CBFA2T3: variants seen among roughly 807,000 people sequenced by gnomAD.
CBFA2T3 encodes transcriptional corepressor CBFA2T3.
Under a neutral mutation model 58.6 loss-of-function variants are expected in CBFA2T3, and 31 were observed. That is an observed-to-expected ratio of 0.53 (90% confidence interval 0.40 to 0.71). The LOEUF is 0.71. CBFA2T3 is among the 30% of genes least tolerant of loss of function. The pLI is 0.00. For synonymous variants in CBFA2T3, 531 were observed against 421.9 expected, an observed-to-expected ratio of 1.26 and a Z score of -3.17; for missense variants, 1,076 against 963.1, an observed-to-expected ratio of 1.12 and a Z score of -1.55.
At chr16:88,897,569 G>A (rs772179430) in intron 3 of CBFA2T3, among the ~76,000 whole-genome samples, 4 of 152,238 alleles carry the variant, frequency 2.6e-5, no homozygotes, top group Non-Finnish European at 5.9e-5. Context: ...CCCACCATCT[G>A]ACGGCTCCTG....
intron 1 of CBFA2T3, among the ~76,000 whole-genome samples, chr16:88,924,338 C>G (rs1172582053): frequency 6.6e-6 from 1 of 152,218 alleles, no homozygotes; most frequent in South Asian, 2.1e-4. Flanking sequence ...GCACAAGCTC[C>G]GCCCTGGCCC....
intron 1 of CBFA2T3, chr16:88,938,718 C>T (rs1252791614): frequency 6.6e-6 from 1 of 152,248 alleles, no homozygotes; most frequent in Non-Finnish European, 1.5e-5. Flanking sequence ...CCGCGTGGCA[C>T]ACACGGCACT....
chr16:88,911,672 A>T (rs1480585743), intron 1 of CBFA2T3, among the ~76,000 whole-genome samples: 1 of 152,268 alleles, frequency 6.6e-6, no homozygotes, highest in African/African-American at 2.4e-5. Context: ...GCTCACGAAA[A>T]GCGTCTAGAA....
intron 1 of CBFA2T3, among the ~76,000 whole-genome samples, chr16:88,961,545 C>G (rs1972357459): frequency 7.1e-6 from 1 of 140,552 alleles, no homozygotes; most frequent in Non-Finnish European, 1.5e-5. Context: ...ACCCTCAGCA[C>G]TGGGCATTCC....
chr16:88,876,528 G>T lies in CBFA2T3; in HGVS notation c.*448C>A. On this transcript the variant is annotated 3_prime_UTR_variant, in exon 12 of 12. Coordinates refer to ENST00000268679, the MANE Select transcript of CBFA2T3 (RefSeq NM_005187.6). ...CACACAAAACCCCCCAAAATTCTTT[G>T]CTGAAAATATAAGCCACCAATTCGA... The T allele has an allele frequency of 1.3e-5, 3 of 230,520 alleles. No individual in the cohort carries two copies. Among genetic ancestry groups the T allele is most frequent in the Non-Finnish European group, 2.6e-5 (3 of 117,080 alleles). The allele number at this position is 230,520 out of a possible 1,614,324, so 14.3% of individuals were successfully genotyped here.
chr16:88,892,175 T>C (rs903048280), intron 4 of CBFA2T3, 69 bp downstream of exon 4: 71 of 1,551,256 alleles, frequency 4.6e-5, no homozygotes, highest in Non-Finnish European at 6.1e-5. Context: ...GGAGTGGCCG[T>C]GGCTGCAACC....
intron 1 of CBFA2T3, among the ~76,000 whole-genome samples, chr16:88,902,158 G>A (rs1339213785): frequency 6.6e-6 from 1 of 152,230 alleles, no homozygotes. Context: ...GGTTCTAAGA[G>A]TCCCTTCCAC....
intron 2 of CBFA2T3, 41 bp downstream of exon 2, chr16:88,901,463 T>A: frequency 8.3e-7 from 1 of 1,207,918 alleles, no homozygotes; most frequent in Non-Finnish European, 1.1e-6. Flanking sequence ...GGGCCTCCCC[T>A]GAAACACCTG....
chr16:88,936,544 C>T (rs548463858), intron 1 of CBFA2T3, among the ~76,000 whole-genome samples: 2 of 152,088 alleles, frequency 1.3e-5, no homozygotes, highest in Non-Finnish European at 2.9e-5. Flanking sequence ...CAGGGGCAGC[C>T]GAGGAGGCTC....
intron 5 of CBFA2T3, chr16:88,886,569 T>C (rs1301981188): frequency 6.3e-6 from 1 of 157,686 alleles, no homozygotes; most frequent in Non-Finnish European, 1.4e-5. Context: ...GCTGGGGAAA[T>C]GCAGGCTCAG....
intron 1 of CBFA2T3, among the ~76,000 whole-genome samples, chr16:88,965,900 T>A (rs971855451): frequency 2.6e-5 from 4 of 152,184 alleles, no homozygotes; most frequent in African/African-American, 9.7e-5. Context: ...GCTTTGAGAA[T>A]CGGGCCTGGT....
intron 1 of CBFA2T3, among the ~76,000 whole-genome samples, chr16:88,963,726 C>T (rs1972425647): frequency 6.6e-6 from 1 of 152,236 alleles, no homozygotes; most frequent in Admixed American, 6.5e-5. Flanking sequence ...CGGCGTCATG[C>T]CTGGATTTCC....
intron 1 of CBFA2T3, among the ~76,000 whole-genome samples, chr16:88,960,075 C>T (rs888874180): frequency 1.3e-5 from 2 of 150,316 alleles, no homozygotes; most frequent in Non-Finnish European, 2.9e-5. Context: ...ATTAAGGTTC[C>T]AAGGAAAGAT....
At chr16:88,952,366 A>G (rs1055674402) in intron 1 of CBFA2T3, among the ~76,000 whole-genome samples, 10 of 149,826 alleles carry the variant, frequency 6.7e-5, no homozygotes, top group African/African-American at 2.5e-4. Flanking sequence ...ACAAATGCCC[A>G]GGCCACAGGG....
At chr16:88,972,965 C>G (rs182987145) in intron 1 of CBFA2T3, among the ~76,000 whole-genome samples, 42 of 152,312 alleles carry the variant, frequency 2.8e-4, no homozygotes, top group Non-Finnish European at 4.4e-5. Context: ...CCTCAGACGT[C>G]TTGTCATGCA....
At chr16:88,928,504 C>T (rs535973593) in intron 1 of CBFA2T3, among the ~76,000 whole-genome samples, 12 of 152,340 alleles carry the variant, frequency 7.9e-5, no homozygotes, top group East Asian at 1.9e-4. Context: ...TCAAATACGA[C>T]GGCAGCTTGC....
chr16:88,905,418 C>T (rs1970271274), intron 1 of CBFA2T3, among the ~76,000 whole-genome samples: 1 of 152,042 alleles, frequency 6.6e-6, no homozygotes, highest in African/African-American at 2.4e-5. Context: ...GAAGCTCTTC[C>T]ATCCTTCCCT....
intron 3 of CBFA2T3, among the ~76,000 whole-genome samples, chr16:88,896,122 A>C (rs1368527661): frequency 1.3e-5 from 2 of 152,126 alleles, no homozygotes; most frequent in East Asian, 1.9e-4. Context: ...GGCTGTTGGC[A>C]ATAAACAGCC....
At chr16:88,916,047 C>T (rs1486761452) in intron 1 of CBFA2T3, among the ~76,000 whole-genome samples, 6 of 149,914 alleles carry the variant, frequency 4.0e-5, no homozygotes, top group Admixed American at 2.0e-4. Context: ...CTCGTGTACA[C>T]ATGGGTGTAT....
Sources: gnomAD v4.1 joint callset for allele counts (sites outside exome capture counted in the v4.1 genomes callset) on GRCh38, gnomAD v4.1.1 for gene constraint, MANE v1.5 for transcripts, NCBI Gene and HGNC (gene_info 2026-07-23, HGNC 2026-07-21) for gene names.